Variants in PCDH15 observed in about 807,000 individuals in gnomAD.
PCDH15 encodes protocadherin-15.
Under a neutral mutation model 178.5 loss-of-function variants are expected in PCDH15, and 129 were observed. The ratio of observed to expected loss-of-function variants is 0.72; its 90% CI spans 0.63 to 0.84. The LOEUF is 0.84. Ranked by LOEUF, PCDH15 falls within the 40% of genes least tolerant of loss-of-function variation. PCDH15 has a pLI of 0.00. For synonymous variants in PCDH15, 800 were observed against 732.0 expected (o/e 1.09, Z -1.50); for missense variants, 2,230 against 2,099.9 (o/e 1.06, Z -1.21).
chr10:54,390,311 T>A (rs923949724), intron 3 of PCDH15, among the ~76,000 whole-genome samples: 2 of 138,474 alleles, frequency 1.4e-5, no homozygotes, highest in African/African-American at 5.3e-5. Context: ...TTGTTTTGTT[T>A]TGAGACAGTC....
In PCDH15 at chr10:55,270,489, A is replaced by G. The variant is rs1461254735; in HGVS notation, c.-156+49110T>C. Among the ~76,000 whole-genome samples, 5 of 152,288 alleles carry G rather than the reference A, an allele frequency of 3.3e-5. No homozygotes were observed. The East Asian group carries it at 9.6e-4, about 29-fold the overall frequency. On this transcript the variant is annotated intron_variant, in intron 1 of 5. Transcript: ENST00000458638. ...TTTAAAAAATGGGCAAAGGATATGAACAGACACTTCGCAAAAGAAGACTTA... is the reference window on the plus strand; with the variant it reads ...TTTAAAAAATGGGCAAAGGATATGAGCAGACACTTCGCAAAAGAAGACTTA...
At chr10:55,205,409 T>C (rs150133350) in intron 1 of PCDH15, among the ~76,000 whole-genome samples, 10 of 152,102 alleles carry the variant, frequency 6.6e-5, no homozygotes, top group African/African-American at 1.7e-4. Context: ...ATGTAGGACA[T>C]ATAATTATGT....
intron 23 of PCDH15, among the ~76,000 whole-genome samples, chr10:53,957,456 A>G (rs905739923): frequency 7.9e-5 from 12 of 151,624 alleles, no homozygotes; most frequent in African/African-American, 2.4e-4. Flanking sequence ...CAAGACCTCC[A>G]CTAGAAGCCT....
intron 8 of PCDH15, among the ~76,000 whole-genome samples, chr10:54,308,961 T>A (rs966032140): frequency 1.3e-5 from 2 of 152,080 alleles, no homozygotes; most frequent in Admixed American, 1.3e-4. Flanking sequence ...TTATCATTTG[T>A]TTCTTCAAAA....
chr10:54,196,374 C>T (rs1359127551), intron 10 of PCDH15, among the ~76,000 whole-genome samples: 1 of 151,958 alleles, frequency 6.6e-6, no homozygotes, highest in East Asian at 1.9e-4. Flanking sequence ...GATCTCCTGA[C>T]CTCGTGATCC....
intron 2 of PCDH15, chr10:54,600,541 C>T (rs2092473839): frequency 1.7e-6 from 1 of 579,216 alleles, no homozygotes; most frequent in African/African-American, 1.9e-5. Context: ...GATGGTGCTA[C>T]CAAATACATC....
chr10:55,259,801 C>G (rs1404815347), intron 1 of PCDH15, among the ~76,000 whole-genome samples: 1 of 149,294 alleles, frequency 6.7e-6, no homozygotes, highest in African/African-American at 2.5e-5. Flanking sequence ...ACTCAGGAGG[C>G]TGAGGCAGGA....
chr10:54,263,845 A>G (rs2057492455), intron 8 of PCDH15, among the ~76,000 whole-genome samples: 1 of 152,110 alleles, frequency 6.6e-6, no homozygotes, highest in African/African-American at 2.4e-5. Context: ...TTAACATTTG[A>G]GTCTGGACTA....
intron 3 of PCDH15, among the ~76,000 whole-genome samples, chr10:54,465,912 T>A (rs116072023): frequency 0.02 from 2,979 of 152,044 alleles, 92 homozygotes; most frequent in African/African-American, 0.068. Context: ...TTATATATAT[T>A]TTTTGTCATT....
At chr10:54,463,998 C>T (rs577295369) in intron 3 of PCDH15, among the ~76,000 whole-genome samples, 2 of 152,140 alleles carry the variant, frequency 1.3e-5, no homozygotes, top group South Asian at 4.2e-4. Context: ...TGTAGGGAAG[C>T]CAGAGATAGT....
chr10:53,817,015 G>C (rs944978515), intron 34 of PCDH15, among the ~76,000 whole-genome samples: 1 of 152,134 alleles, frequency 6.6e-6, no homozygotes, highest in African/African-American at 2.4e-5. Flanking sequence ...GTAACTCTTT[G>C]GAGGGAAAAC....
chr10:53,856,965 AG>A (rs2078788781), intron 28 of PCDH15, among the ~76,000 whole-genome samples: 1 of 152,042 alleles, frequency 6.6e-6, no homozygotes, highest in Non-Finnish European at 1.5e-5. Context: ...GGAGGATGGG[AG>A]GGGCATGAGG....
intron 2 of PCDH15, among the ~76,000 whole-genome samples, chr10:54,570,123 T>C (rs368680557): frequency 6.6e-6 from 1 of 151,988 alleles, no homozygotes; most frequent in Non-Finnish European, 1.5e-5. Context: ...AATTGTGTGA[T>C]AGGTGGAAAT....
chr10:54,734,157 G>A (rs11004520), intron 1 of PCDH15, among the ~76,000 whole-genome samples: 18,467 of 151,630 alleles, frequency 0.12, 1,256 homozygotes, highest in African/African-American at 0.17. Context: ...GAAAAAATAT[G>A]TATTTGTCAA....
chr10:54,677,293 T>C (rs2094807432), intron 1 of PCDH15, among the ~76,000 whole-genome samples: 1 of 152,052 alleles, frequency 6.6e-6, no homozygotes, highest in South Asian at 2.1e-4. Flanking sequence ...TGGGGGAGGA[T>C]GGTTTGAGCC....
chr10:55,420,247 A>C (rs534401918), intron 2 of PCDH15, among the ~76,000 whole-genome samples: 1 of 151,612 alleles, frequency 6.6e-6, no homozygotes, highest in Admixed American at 6.6e-5. Flanking sequence ...TTTGTTACAT[A>C]TTATCTATAG....
intron 1 of PCDH15, among the ~76,000 whole-genome samples, chr10:54,698,151 AG>A (rs1414339808): frequency 6.6e-6 from 1 of 152,176 alleles, no homozygotes; most frequent in Non-Finnish European, 1.5e-5. Context: ...AATTTAAGAA[AG>A]AAAGTTTACA....
At chr10:54,430,889 G>A (rs546269559) in intron 3 of PCDH15, among the ~76,000 whole-genome samples, 808 of 151,986 alleles carry the variant, frequency 5.3e-3, no homozygotes, top group Non-Finnish European at 7.9e-3. Flanking sequence ...GCAAAAAGGA[G>A]AAGACCCAAA....
chr10:54,112,846 C>T (rs868623426), intron 15 of PCDH15, among the ~76,000 whole-genome samples: 5 of 152,084 alleles, frequency 3.3e-5, no homozygotes, highest in African/African-American at 1.2e-4. Context: ...GGTAACAGTT[C>T]ATTACAGTTC....
Sources: allele counts gnomAD v4.1 joint callset (sites outside exome capture counted in the v4.1 genomes callset), GRCh38; gene constraint gnomAD v4.1.1; transcripts MANE v1.5; gene names NCBI Gene and HGNC (gene_info 2026-07-23, HGNC 2026-07-21).